Variants in ADGRG5 observed in about 807,000 individuals in gnomAD.
The protein encoded by ADGRG5 is adhesion G protein-coupled receptor G5.
In ADGRG5, 37 loss-of-function variants were observed where a neutral mutation model predicts 53.2. That is an observed-to-expected ratio of 0.70 (90% confidence interval 0.53 to 0.91). ADGRG5 has a LOEUF of 0.91. Ranked by LOEUF, ADGRG5 falls within the 40% of genes least tolerant of loss-of-function variation. ADGRG5 has a pLI of 0.00. For missense variants in ADGRG5, 614 were observed against 675.8 expected (o/e 0.91, Z 1.01); for synonymous variants, 277 against 290.4 (o/e 0.95, Z 0.47).
At position 57,568,036 on chromosome 16, in the gene ADGRG5, C is replaced by A. The variant is rs139279864; in HGVS notation, c.1002C>A (p.Ile334=). 1.7e-5 allele frequency: 28 copies of A among 1,614,018 alleles called. No individual in the cohort carries two copies. The African/African-American group carries it at 3.3e-4, about 19-fold the overall frequency. The part of the protein sequence containing the change: ...ALLSCLTWMA[I]EGFNLYLLLG... ...TCAGCTGCCTCACCTGGATGGCCAT[C>A]GAGGGCTTCAACCTCTACCTCCTCC... The change falls in exon 9 of 12, where the codon ATC becomes ATA. Residue 334 remains isoleucine, a synonymous_variant. Transcript: ENST00000349457.
intron 3 of ADGRG5, 179 bp downstream of exon 3, chr16:57,562,638 A>T (rs1028341857): frequency 5.1e-6 from 3 of 588,394 alleles, no homozygotes; most frequent in Non-Finnish European, 6.1e-6. Flanking sequence ...GAAGTTTATC[A>T]TCGAGGAATG....
intron 1 of ADGRG5, among the ~76,000 whole-genome samples, chr16:57,546,380 C>G (rs966166742): frequency 6.6e-6 from 1 of 152,208 alleles, no homozygotes; most frequent in Non-Finnish European, 1.5e-5. Flanking sequence ...CCTGCCTCAG[C>G]CTACCAAAGC....
chr16:57,540,100 G>C (rs1194200600), upstream of ADGRG5, among the ~76,000 whole-genome samples: 1 of 152,040 alleles, frequency 6.6e-6, no homozygotes, highest in Non-Finnish European at 1.5e-5. Context: ...AAAATTCGCT[G>C]GGCGTGGTGG....
chr16:57,554,235 C>T (rs941856233), intron 1 of ADGRG5, among the ~76,000 whole-genome samples: 4 of 151,946 alleles, frequency 2.6e-5, no homozygotes, highest in Admixed American at 2.6e-4. Flanking sequence ...GATAACTGGT[C>T]ATTGTACTTT....
chr16:57,540,268 CAAAA>C (rs568965131), upstream of ADGRG5, among the ~76,000 whole-genome samples: 306 of 152,244 alleles, frequency 2.0e-3, 2 homozygotes, highest in African/African-American at 7.1e-3. Flanking sequence ...AAACAAAAAA[CAAAA>C]GAAACAGTTT....
chr16:57,575,228 C>A, intron 11 of ADGRG5, 136 bp downstream of exon 11: 1 of 1,054,490 alleles, frequency 9.5e-7, no homozygotes, highest in Non-Finnish European at 1.4e-6. Flanking sequence ...ACTAGCTAAG[C>A]TGGTGGGGGC....
the ADGRG5 span, among the ~76,000 whole-genome samples, chr16:57,533,332 C>T: frequency 2.6e-5 from 4 of 152,024 alleles, no homozygotes; most frequent in South Asian, 4.1e-4. Context: ...AAGCCCACCC[C>T]GCCCCCAGCA....
intron 1 of ADGRG5, among the ~76,000 whole-genome samples, chr16:57,560,751 T>A (rs1011115983): frequency 6.6e-6 from 1 of 152,194 alleles, no homozygotes; most frequent in Non-Finnish European, 1.5e-5. Context: ...TTGGGCATTT[T>A]AAAGACTCAC....
chr16:57,565,752 G>A (rs915698447), intron 6 of ADGRG5: 1 of 152,888 alleles, frequency 6.5e-6, no homozygotes, highest in Admixed American at 6.5e-5. Flanking sequence ...GGGTGAAGGA[G>A]TGAGCTCCTA....
Position 57,576,125 on chromosome 16 carries a change from C to T in ADGRG5, c.*587C>T, listed in dbSNP as rs1382171160. The T allele has an allele frequency of 6.5e-6, 1 of 153,350 alleles. No individual in the cohort carries two copies. Among genetic ancestry groups the T allele is most frequent in the African/African-American group, 2.4e-5 (1 of 41,464 alleles). The allele number at this position is 153,350 out of a possible 1,614,324, so 9.5% of individuals were successfully genotyped here. A position where few individuals can be genotyped will look rare whatever the true frequency, so the allele number is the denominator to read the frequency against. On this transcript the variant is annotated 3_prime_UTR_variant, in exon 12 of 12. Transcript: ENST00000349457. ...AGGGGAGGGCCAGATGGCATCCTGG[C>T]TTGGGGCGGGTGGGACCTACCCAGG...
At chr16:57,529,305 C>T in the ADGRG5 span, 7 of 1,114,360 alleles carry the variant, frequency 6.3e-6, no homozygotes, top group Non-Finnish European at 7.7e-6. This position sits in a 1 kb window ranked among gnomAD's most constrained non-coding sequence, Gnocchi z 4.1. Context: ...GGCCACCGGG[C>T]GGAGGACGCC....
At chr16:57,569,087 T>C (rs1377151018) in intron 9 of ADGRG5, among the ~76,000 whole-genome samples, 1 of 111,992 alleles carries the variant, frequency 8.9e-6, no homozygotes. Context: ...ATCACCACCA[T>C]CATCACCTCC....
chr16:57,563,372 G>T (rs1284131069), intron 4 of ADGRG5, 125 bp downstream of exon 4: 2 of 807,942 alleles, frequency 2.5e-6, no homozygotes, highest in Non-Finnish European at 4.0e-6. Context: ...TCCAGGCTCT[G>T]CCCTAACTGG....
intron 1 of ADGRG5, among the ~76,000 whole-genome samples, chr16:57,545,780 A>G (rs1166783394): frequency 6.6e-6 from 1 of 151,958 alleles, no homozygotes; most frequent in African/African-American, 2.4e-5. Flanking sequence ...CTTACAAACA[A>G]TGTAGCTGTG....
chr16:57,544,765 C>A (rs7204915), intron 1 of ADGRG5, among the ~76,000 whole-genome samples: 1 of 152,042 alleles, frequency 6.6e-6, no homozygotes, highest in Non-Finnish European at 1.5e-5. Flanking sequence ...CTCCCCAAAC[C>A]TTTCTGTTTT....
At chr16:57,554,469 C>T (rs2032829282) in intron 1 of ADGRG5, among the ~76,000 whole-genome samples, 1 of 151,980 alleles carries the variant, frequency 6.6e-6, no homozygotes, top group Admixed American at 6.6e-5. Context: ...CTCTGCCTCC[C>T]AGGTTCACGC....
chr16:57,562,688 A>G (rs1439554796), intron 3 of ADGRG5: 2 of 568,182 alleles, frequency 3.5e-6, no homozygotes, highest in Non-Finnish European at 6.3e-6. Context: ...TAAGTGCAGA[A>G]TTATGGGTCT....
At chr16:57,549,890 G>A (rs1345683273) in intron 1 of ADGRG5, among the ~76,000 whole-genome samples, 2 of 152,144 alleles carry the variant, frequency 1.3e-5, no homozygotes, top group Non-Finnish European at 2.9e-5. Flanking sequence ...ATTCTAGAAG[G>A]TGTGTAGTGA....
the ADGRG5 span, among the ~76,000 whole-genome samples, chr16:57,533,554 G>T: frequency 7.8e-6 from 1 of 127,878 alleles, no homozygotes; most frequent in Non-Finnish European, 1.7e-5. Flanking sequence ...ACACCCCCAG[G>T]GACCTGCACT....
Sources: gnomAD v4.1 joint callset for allele counts (sites outside exome capture counted in the v4.1 genomes callset) on GRCh38, gnomAD v4.1.1 for gene constraint, Gnocchi (gnomAD v3.1) non-coding constraint, MANE v1.5 for transcripts, NCBI Gene and HGNC (gene_info 2026-07-23, HGNC 2026-07-21) for gene names.